Variants in PAQR5 observed in about 807,000 individuals in gnomAD.
PAQR5 encodes progestin and adipoQ receptor family member 5, also known as membrane progestin receptor gamma.
Under a neutral mutation model 34.5 loss-of-function variants are expected in PAQR5, and 20 were observed. The observed-to-expected ratio is 0.58, with a 90% CI of 0.41 to 0.84. PAQR5 has a LOEUF of 0.84. PAQR5 is among the 40% of genes least tolerant of loss of function. The probability of loss-of-function intolerance (pLI) is 0.00; values close to 1 mark genes in which losing one functional copy is unlikely to be tolerated. For missense variants in PAQR5, 378 were observed against 412.7 expected (o/e 0.92, Z 0.73); for synonymous variants, 131 against 155.6 (o/e 0.84, Z 1.18).
intron 1 of PAQR5, among the ~76,000 whole-genome samples, chr15:69,299,965 C>T (rs535128578): frequency 6.6e-6 from 1 of 152,300 alleles, no homozygotes; most frequent in South Asian, 2.1e-4. Context: ...GATATTAACA[C>T]ATGGGCAGAT....
chr15:69,332,779 T>TTA (rs1491173308), intron 1 of PAQR5, among the ~76,000 whole-genome samples: 2 of 59,812 alleles, frequency 3.3e-5, no homozygotes, highest in Non-Finnish European at 5.7e-5. Flanking sequence ...CTAAATCTTG[T>TTA]AAAAAAAAAA....
chr15:69,365,290 T>C (rs2055372093), intron 3 of PAQR5, among the ~76,000 whole-genome samples: 1 of 151,216 alleles, frequency 6.6e-6, no homozygotes, highest in Non-Finnish European at 1.5e-5. Context: ...TATTTTTTAA[T>C]AGAGATGGGG....
chr15:69,316,233 ACCACAC>A (rs2053944491), intron 1 of PAQR5, among the ~76,000 whole-genome samples: 1 of 152,066 alleles, frequency 6.6e-6, no homozygotes, highest in Non-Finnish European at 1.5e-5. Context: ...GGCGTGCTCC[ACCACAC>A]CCGGCTAGTT....
At chr15:69,381,601 C>G (rs2055885531) in intron 4 of PAQR5, among the ~76,000 whole-genome samples, 1 of 152,146 alleles carries the variant, frequency 6.6e-6, no homozygotes, top group African/African-American at 2.4e-5. Context: ...GAGCCGCACC[C>G]CCATCACCTC....
In PAQR5 at chr15:69,326,740, T is replaced by G. The variant is rs547684930; in HGVS notation, c.-276-10601T>G. On this transcript the variant is annotated intron_variant, in intron 1 of 8. Transcript: ENST00000395407. ...GCGTGAGCCACCGCACCTGGCCTTT[T>G]GTTTTCTTAATAGACTTTATGTTTT... Among the ~76,000 whole-genome samples, 20 of 152,274 alleles carry G rather than the reference T, an allele frequency of 1.3e-4. No individual in the cohort carries two copies. In the South Asian group the frequency reaches 3.3e-3, roughly 25 times the overall value.
In PAQR5 at chr15:69,359,106, G is replaced by A. The variant is rs148121642; in HGVS notation, c.-115-860G>A. 2.5e-3 allele frequency among the ~76,000 whole-genome samples: 382 copies of A among 152,294 alleles called. 2 individuals are homozygous for A. Among genetic ancestry groups the A allele is most frequent in the African/African-American group, 9.0e-3 (374 of 41,562 alleles). On this transcript the variant is annotated intron_variant, in intron 2 of 8. Coordinates refer to ENST00000395407, the MANE Select transcript of PAQR5 (RefSeq NM_017705.4). ...ATTCCTCATAGATGTCTCCTTCTAT[G>A]TGTCTTCACATGGTGGAAGGGGCGA...
intron 3 of PAQR5, among the ~76,000 whole-genome samples, chr15:69,374,883 A>T (rs2055663594): frequency 6.6e-6 from 1 of 152,028 alleles, no homozygotes; most frequent in African/African-American, 2.4e-5. Flanking sequence ...CAGGGAGGTG[A>T]CAGCACGATG....
At chr15:69,339,598 A>C (rs2054593109) in intron 2 of PAQR5, among the ~76,000 whole-genome samples, 1 of 151,910 alleles carries the variant, frequency 6.6e-6, no homozygotes, top group South Asian at 2.1e-4. Context: ...TCAGCTTCCC[A>C]AGTAACTGGG....
intron 2 of PAQR5, among the ~76,000 whole-genome samples, chr15:69,357,879 C>A (rs72756380): frequency 0.016 from 2,403 of 152,220 alleles, 48 homozygotes; most frequent in Non-Finnish European, 0.018. Context: ...GCTGAGGGCC[C>A]AGGGTGGACC....
At chr15:69,353,587 A>G (rs2054981932) in intron 2 of PAQR5, among the ~76,000 whole-genome samples, 2 of 152,174 alleles carry the variant, frequency 1.3e-5, no homozygotes, top group Non-Finnish European at 2.9e-5. Context: ...AATACCTTGC[A>G]GGGCTGGGGC....
At chr15:69,356,540 T>C (rs2055082563) in intron 2 of PAQR5, among the ~76,000 whole-genome samples, 1 of 152,232 alleles carries the variant, frequency 6.6e-6, no homozygotes, top group East Asian at 1.9e-4. Flanking sequence ...TCAGTGGCAT[T>C]AAGTACGTTG....
At chr15:69,316,984 T>G (rs537672060) in intron 1 of PAQR5, among the ~76,000 whole-genome samples, 229 of 152,130 alleles carry the variant, frequency 1.5e-3, no homozygotes, top group African/African-American at 5.2e-3. Context: ...TAGGCCTGGG[T>G]AATTTTTGTA....
intron 1 of PAQR5, among the ~76,000 whole-genome samples, chr15:69,324,058 A>G (rs2054189755): frequency 6.6e-6 from 1 of 151,308 alleles, no homozygotes; most frequent in Non-Finnish European, 1.5e-5. Flanking sequence ...GCTAGGGAAT[A>G]TCATTCAGCT....
At position 69,404,808 on chromosome 15, in the gene PAQR5, CA is replaced by C. The variant is rs2056731424; in HGVS notation, c.*987del. ...AGCTTTACTGTGAATCAGAAACATC[CA>C]GTAAGCTTGTGACAAATGCAGACTC... On this transcript the variant is annotated 3_prime_UTR_variant, in exon 9 of 9. Transcript: ENST00000395407. 1 of 396,920 alleles carries C rather than the reference CA, an allele frequency of 2.5e-6. No individual in the cohort carries two copies. The highest frequency in any genetic ancestry group is 4.4e-6 in the Non-Finnish European group (1 of 225,510). The allele number at this position is 396,920 out of a possible 1,614,324, so 24.6% of individuals were successfully genotyped here. A position where few individuals can be genotyped will look rare whatever the true frequency, so the allele number is the denominator to read the frequency against.
chr15:69,339,406 GGT>G (rs2054588225), intron 2 of PAQR5, among the ~76,000 whole-genome samples: 1 of 152,054 alleles, frequency 6.6e-6, no homozygotes, highest in Non-Finnish European at 1.5e-5. Context: ...CATCCGTCTG[GGT>G]ACCTGGCGGC....
intron 2 of PAQR5, among the ~76,000 whole-genome samples, chr15:69,339,889 G>A (rs370117707): frequency 6.6e-6 from 1 of 151,578 alleles, no homozygotes; most frequent in African/African-American, 2.4e-5. Context: ...TTTGGGGGAC[G>A]GAGTTTTGCT....
intron 4 of PAQR5, among the ~76,000 whole-genome samples, chr15:69,383,155 C>T (rs919242063): frequency 5.3e-5 from 8 of 152,146 alleles, no homozygotes; most frequent in South Asian, 2.1e-4. Flanking sequence ...AGTGAGAACA[C>T]GAAGGAATTA....
chr15:69,299,622 T>TC (rs1470078707), intron 1 of PAQR5, among the ~76,000 whole-genome samples: 4 of 151,868 alleles, frequency 2.6e-5, no homozygotes, highest in African/African-American at 7.3e-5. Context: ...GTCATTGGCC[T>TC]CCCCCCGGCC....
intron 6 of PAQR5, chr15:69,397,051 C>A: frequency 5.1e-6 from 2 of 394,568 alleles, no homozygotes; most frequent in South Asian, 3.8e-5. Context: ...ATGGGTGCAT[C>A]TCAGCCTCTG....
Sources: gnomAD v4.1 joint callset for allele counts (sites outside exome capture counted in the v4.1 genomes callset) on GRCh38, gnomAD v4.1.1 for gene constraint, MANE v1.5 for transcripts, NCBI Gene and HGNC (gene_info 2026-07-23, HGNC 2026-07-21) for gene names.